The following CACNA2D1 variants were observed in gnomAD, a reference collection of about 807,000 sequenced individuals.
The protein encoded by CACNA2D1 is calcium voltage-gated channel auxiliary subunit alpha2delta 1, also known as voltage-dependent calcium channel subunit alpha-2/delta-1.
A neutral mutation model predicts 171.5 loss-of-function variants in CACNA2D1; 53 were observed. The ratio of observed to expected loss-of-function variants is 0.31; its 90% CI spans 0.25 to 0.39. The LOEUF is 0.39. CACNA2D1 is among the 10% of genes least tolerant of loss of function. CACNA2D1 has a pLI of 1.00. For synonymous variants in CACNA2D1, 442 were observed against 443.1 expected (o/e 1.00, Z 0.03); for missense variants, 903 against 1,299.8 (o/e 0.69, Z 4.69).
intron 6 of CACNA2D1, among the ~76,000 whole-genome samples, chr7:82,113,033 T>C (rs1019532269): frequency 1.6e-4 from 24 of 152,122 alleles, no homozygotes; most frequent in African/African-American, 5.5e-4. Flanking sequence ...ATCTTCATGA[T>C]AAAAGTATGT....
intron 1 of CACNA2D1, among the ~76,000 whole-genome samples, chr7:82,427,559 G>C (rs1342185258): frequency 6.6e-6 from 1 of 152,158 alleles, no homozygotes; most frequent in African/African-American, 2.4e-5. Flanking sequence ...CTTCTAATCA[G>C]AGTATATTTG....
chr7:81,980,172 C>CAAAAAAAAAAAAAAAAAAAAAAAA (rs35616922), intron 24 of CACNA2D1, among the ~76,000 whole-genome samples: 2 of 25,252 alleles, frequency 7.9e-5, no homozygotes, highest in Non-Finnish European at 1.4e-4. Flanking sequence ...TAAAACCAAG[C>CAAAAAAAAAAAAAAAAAAAAAAAA]AAAAAAAAAA....
chr7:82,118,752 A>G (rs552908642), intron 5 of CACNA2D1, among the ~76,000 whole-genome samples: 5 of 152,122 alleles, frequency 3.3e-5, no homozygotes, highest in Admixed American at 3.3e-4. Context: ...GGCTTTTAGA[A>G]ATAACTTTAA....
intron 4 of CACNA2D1, among the ~76,000 whole-genome samples, chr7:82,139,695 A>G (rs1479986240): frequency 6.6e-6 from 1 of 152,082 alleles, no homozygotes; most frequent in African/African-American, 2.4e-5. Flanking sequence ...GAAGAAACAA[A>G]TATATATTAG....
intron 3 of CACNA2D1, among the ~76,000 whole-genome samples, chr7:82,265,041 C>CA (rs1807641387): frequency 6.6e-6 from 1 of 152,164 alleles, no homozygotes. Context: ...AAGTCTTCGT[C>CA]CAAACCCAGG....
At chr7:82,236,537 T>C (rs1803610369) in intron 3 of CACNA2D1, among the ~76,000 whole-genome samples, 1 of 152,086 alleles carries the variant, frequency 6.6e-6, no homozygotes, top group Non-Finnish European at 1.5e-5. Flanking sequence ...TATTTCTCTC[T>C]TTAGTTTTAA....
chr7:81,963,089 G>C (rs1794333587), intron 34 of CACNA2D1, among the ~76,000 whole-genome samples: 1 of 151,724 alleles, frequency 6.6e-6, no homozygotes, highest in Admixed American at 6.6e-5. Flanking sequence ...GGGGTGGGAG[G>C]GGATATAGGA....
rs570519632 is a variant in CACNA2D1 at position 82,226,551 on chromosome 7, G to A, written c.295-55942C>T. Among the ~76,000 whole-genome samples, 28 of 152,198 alleles carry A rather than the reference G, an allele frequency of 1.8e-4. No individual in the cohort carries two copies. The South Asian group carries it at 5.6e-3, about 30-fold the overall frequency. On this transcript the variant is annotated intron_variant, in intron 3 of 38. Coordinates refer to ENST00000356860, the MANE Select transcript of CACNA2D1 (RefSeq NM_000722.4). Reference sequence around the variant, plus strand: ...AACATACTGACTCTTCAGAGGGATCGATTAAAAAGCAATTGAGCCACAGAA... The same window carrying A: ...AACATACTGACTCTTCAGAGGGATCAATTAAAAAGCAATTGAGCCACAGAA...
chr7:82,187,766 T>C (rs7778046), intron 3 of CACNA2D1, among the ~76,000 whole-genome samples: 112,502 of 151,864 alleles, frequency 0.74, 43,667 homozygotes, highest in Non-Finnish European at 0.86. Flanking sequence ...AAATTTGGGC[T>C]ACTGTAACAG....
At chr7:82,267,124 T>C (rs996354896) in intron 3 of CACNA2D1, among the ~76,000 whole-genome samples, 2 of 152,196 alleles carry the variant, frequency 1.3e-5, no homozygotes, top group African/African-American at 4.8e-5. Context: ...CAATTTAGAT[T>C]CAAATAGATT....
intron 35 of CACNA2D1, among the ~76,000 whole-genome samples, 198 bp from the exon 36 acceptor site, chr7:81,962,221 T>C (rs1030055057): frequency 1.3e-5 from 2 of 151,830 alleles, no homozygotes; most frequent in Non-Finnish European, 2.9e-5. Context: ...AATAAATGAA[T>C]TCAAATACAA....
chr7:82,378,688 C>T (rs1823305847), intron 1 of CACNA2D1, among the ~76,000 whole-genome samples: 1 of 152,092 alleles, frequency 6.6e-6, no homozygotes, highest in Non-Finnish European at 1.5e-5. Flanking sequence ...TCTTCCTAGA[C>T]TGTGATTTCT....
At chr7:82,100,022 T>C (rs995068848) in intron 6 of CACNA2D1, among the ~76,000 whole-genome samples, 1 of 152,154 alleles carries the variant, frequency 6.6e-6, no homozygotes, top group Non-Finnish European at 1.5e-5. Flanking sequence ...TTTACCTATG[T>C]AACAAACCTG....
At chr7:82,282,626 T>C (rs574894260) in intron 3 of CACNA2D1, among the ~76,000 whole-genome samples, 17 of 151,054 alleles carry the variant, frequency 1.1e-4, no homozygotes, top group African/African-American at 4.2e-4. Flanking sequence ...CTAGTTCATA[T>C]ACTGCCAACA....
chr7:82,267,079 G>T (rs1339719244), intron 3 of CACNA2D1, among the ~76,000 whole-genome samples: 2 of 152,262 alleles, frequency 1.3e-5, no homozygotes, highest in Non-Finnish European at 2.9e-5. Flanking sequence ...TTCAATGAAT[G>T]TGTACAGAAT....
intron 3 of CACNA2D1, among the ~76,000 whole-genome samples, chr7:82,220,616 T>G (rs1801637838): frequency 6.6e-6 from 1 of 152,106 alleles, no homozygotes; most frequent in Admixed American, 6.6e-5. Context: ...AGTAATAATA[T>G]ATTTTAAGGA....
chr7:82,189,192 C>T (rs1198316462), intron 3 of CACNA2D1, among the ~76,000 whole-genome samples: 1 of 151,898 alleles, frequency 6.6e-6, no homozygotes, highest in Non-Finnish European at 1.5e-5. Flanking sequence ...ATAATTAGGC[C>T]TTAAAGAAGC....
intron 7 of CACNA2D1, among the ~76,000 whole-genome samples, chr7:82,072,946 G>A (rs1808502164): frequency 6.6e-6 from 1 of 152,086 alleles, no homozygotes; most frequent in Non-Finnish European, 1.5e-5. Context: ...TGGAACTATA[G>A]ATTATAGATA....
chr7:82,058,914 C>T (rs557032973), intron 10 of CACNA2D1, among the ~76,000 whole-genome samples: 1 of 152,180 alleles, frequency 6.6e-6, no homozygotes, highest in African/African-American at 2.4e-5. Context: ...TTATAGGTAT[C>T]GTGTTTTCCT....
Sources: allele counts gnomAD v4.1 joint callset (sites outside exome capture counted in the v4.1 genomes callset), GRCh38; gene constraint gnomAD v4.1.1; transcripts MANE v1.5; gene names NCBI Gene and HGNC (gene_info 2026-07-23, HGNC 2026-07-21).